CLUL1: variants seen among roughly 807,000 people sequenced by gnomAD.
CLUL1 encodes clusterin like 1.
In CLUL1, 43 loss-of-function variants were observed where a neutral mutation model predicts 49.4. The ratio of observed to expected loss-of-function variants is 0.87; its 90% CI spans 0.68 to 1.12. The LOEUF is 1.12. Ranked by LOEUF, CLUL1 falls within the 50% of genes most tolerant of loss-of-function variation. The pLI is 0.00. For missense variants in CLUL1, 486 were observed against 544.4 expected (o/e 0.89, Z 1.07); for synonymous variants, 192 against 184.9 (o/e 1.04, Z -0.31).
At chr18:599,500 G>A (rs1348667419) in intron 1 of CLUL1, among the ~76,000 whole-genome samples, 1 of 152,094 alleles carries the variant, frequency 6.6e-6, no homozygotes, top group East Asian at 1.9e-4. Context: ...GATGGTGATT[G>A]TAAATGTTTA....
chr18:645,805 AAAAAAATATATATATATATATATATATAT>A lies in CLUL1; in HGVS notation c.1397+710_1397+738del, dbSNP rs1382794262. On this transcript the variant is annotated intron_variant, in intron 9 of 9. Transcript: ENST00000692774. ...CGAGACTCTGTTTAAAAAAAAAAAA[AAAAAAATATATATATATATATATATATAT>A]ATATATATATATATATATGTTAAAC... 2.1e-4 allele frequency among the ~76,000 whole-genome samples: 11 copies of A among 51,432 alleles called. 2 individuals carry two copies. The highest frequency in any genetic ancestry group is 7.6e-4 in the African/African-American group (10 of 13,174). The allele number at this position is 51,432 out of a possible 152,430, so 33.7% of individuals were successfully genotyped here.
At chr18:625,118 G>C (rs1385479688) in intron 5 of CLUL1, 86 bp downstream of exon 5, 1 of 1,325,846 alleles carries the variant, frequency 7.5e-7, no homozygotes, top group Non-Finnish European at 1.0e-6. Context: ...TTAATATTTA[G>C]AACGGAGATG....
rs185090882 is a variant in CLUL1 at position 603,489 on chromosome 18, A to G, written c.-135-3489A>G. 6.6e-5 allele frequency among the ~76,000 whole-genome samples: 10 copies of G among 152,288 alleles called. 1 individual carries two copies. In the East Asian group the frequency reaches 1.9e-3, roughly 29 times the overall value. ...AAAATTTTTTTTGAAATAATGATAG[A>G]TTCACAGGAGGTTGCAAAGAAATGC... On this transcript the variant is annotated intron_variant, in intron 1 of 9. Coordinates refer to ENST00000692774, the MANE Select transcript of CLUL1 (RefSeq NM_001393344.1).
chr18:626,911 GAAAGAAAGAAAGAA>G (rs2073763508), intron 5 of CLUL1, among the ~76,000 whole-genome samples, 172 bp from the exon 6 acceptor site: 1 of 1,378 alleles, frequency 7.3e-4, no homozygotes, highest in African/African-American at 7.8e-4. Flanking sequence ...AAGAAAGAAA[GAAAGAAAGAAAGAA>G]AGAAGGAAAG....
intron 7 of CLUL1, among the ~76,000 whole-genome samples, chr18:640,200 T>C (rs1286107634): frequency 6.6e-6 from 1 of 151,964 alleles, no homozygotes; most frequent in Non-Finnish European, 1.5e-5. Context: ...TAGTATGACA[T>C]TGAGAGGACA....
Position 645,110 on chromosome 18 carries a change from C to A in CLUL1, c.1397+13C>A. 6.4e-7 allele frequency: 1 copy of A among 1,567,362 alleles called. No homozygotes were observed. Among genetic ancestry groups the A allele is most frequent in the African/African-American group, 1.4e-5 (1 of 73,318 alleles). On this transcript the variant is annotated intron_variant, in intron 9 of 9. Coordinates refer to ENST00000692774, the MANE Select transcript of CLUL1 (RefSeq NM_001393344.1). The stretch of plus-strand genomic sequence containing the variant: ...ATTTTAAAACCTGGTAAGCAGAGTG[C>A]CTGGTTAGGAATGCCTTGTTGACAG...
In CLUL1 at chr18:649,985, G is replaced by A. The variant is rs2074633128; in HGVS notation, c.*84G>A. The A allele has an allele frequency of 3.2e-6, 3 of 935,792 alleles. No individual in the cohort carries two copies. The highest frequency in any genetic ancestry group is 2.4e-5 in the East Asian group (1 of 40,970). 58.0% of individuals were successfully genotyped at this position (935,792 alleles called of 1,614,324 possible). A position where few individuals can be genotyped will look rare whatever the true frequency, so the allele number is the denominator to read the frequency against. ...AAATCCTGAAATAAAAAAGGATAAT[G>A]CAATAAACACAGTTGCAGGAAAGTA... On this transcript the variant is annotated 3_prime_UTR_variant, in exon 10 of 10. Transcript: ENST00000692774.
Position 636,616 on chromosome 18 carries a change from C to G in CLUL1, c.994+3181C>G, listed in dbSNP as rs534624520. Among the ~76,000 whole-genome samples the G allele has an allele frequency of 1.8e-4, 25 of 142,800 alleles. No homozygotes were observed. In the South Asian group the frequency reaches 4.4e-3, roughly 25 times the overall value. 93.7% of individuals were successfully genotyped at this position (142,800 alleles called of 152,430 possible). On this transcript the variant is annotated intron_variant, in intron 7 of 9. Transcript: ENST00000692774. ...ACCTGTTTAGAGTCGACAACACTCCCTTTCTCTCTTTTTTTTTTTTTTTTT... is the reference window on the plus strand; with the variant it reads ...ACCTGTTTAGAGTCGACAACACTCCGTTTCTCTCTTTTTTTTTTTTTTTTT...
rs187173780 is a variant in CLUL1, at chr18:641,058, G to T, written c.995-269G>T. On this transcript the variant is annotated intron_variant, in intron 7 of 9. Coordinates refer to ENST00000692774, the MANE Select transcript of CLUL1 (RefSeq NM_001393344.1). ...TTTTGGCAAATTTTTTCTTAATATA[G>T]GTGGTAGGCATGTGGAATTTATAAC... 2.7e-3 allele frequency among the ~76,000 whole-genome samples: 411 copies of T among 152,248 alleles called. 1 individual carries two copies. The highest frequency in any genetic ancestry group is 9.5e-3 in the African/African-American group (395 of 41,542).
intron 7 of CLUL1, among the ~76,000 whole-genome samples, chr18:635,861 T>C (rs965328390): frequency 2.0e-5 from 3 of 152,190 alleles, no homozygotes; most frequent in African/African-American, 7.2e-5. Flanking sequence ...CTCAGCCTCC[T>C]GAGTAGCTGG....
Position 633,435 on chromosome 18 carries a change from G to A in CLUL1, c.994G>A (p.Asp332Asn). Reference protein sequence around the residue: ...CQKCQAHLSEDCPDVPALHTE... With the variant: ...CQKCQAHLSENCPDVPALHTE... ...AAAATGTCAGGCTCACCTATCTGAA[G>A]GTAAATAATTGCTATTTTGTTTTTT... Residue 332 changes from aspartate to asparagine, a missense_variant and splice_region_variant, in exon 7 of 10, where the codon GAC becomes AAC. Coordinates refer to ENST00000692774, the MANE Select transcript of CLUL1 (RefSeq NM_001393344.1). The A allele has an allele frequency of 6.2e-7, 1 of 1,611,314 alleles. No homozygotes were observed. The highest frequency in any genetic ancestry group is 1.1e-5 in the South Asian group (1 of 90,696).
intron 6 of CLUL1, among the ~76,000 whole-genome samples, chr18:632,678 T>C (rs1278352915): frequency 6.6e-6 from 1 of 152,234 alleles, no homozygotes; most frequent in Non-Finnish European, 1.5e-5. Flanking sequence ...TTCTAAAAGA[T>C]AGTTATTAAT....
chr18:649,790 A>C (rs1003165860), intron 9 of CLUL1, 108 bp from the exon 10 acceptor site: 7 of 733,494 alleles, frequency 9.5e-6, no homozygotes, highest in African/African-American at 1.8e-5. Flanking sequence ...AGCCAACAGC[A>C]GGTATTCTAT....
At chr18:630,471 G>A (rs1206589009) in intron 6 of CLUL1, among the ~76,000 whole-genome samples, 2 of 152,068 alleles carry the variant, frequency 1.3e-5, no homozygotes, top group Non-Finnish European at 2.9e-5. Context: ...TGTAATCACA[G>A]GGTCCTTAAA....
intron 8 of CLUL1, 89 bp from the exon 9 acceptor site, chr18:644,821 C>A: frequency 1.0e-6 from 1 of 968,232 alleles, no homozygotes; most frequent in Non-Finnish European, 1.5e-6. Context: ...CAGCACAACC[C>A]AGCCTATCCT....
chr18:636,514 A>T (rs773729031), intron 7 of CLUL1, among the ~76,000 whole-genome samples: 4 of 151,970 alleles, frequency 2.6e-5, no homozygotes, highest in African/African-American at 7.3e-5. Flanking sequence ...TCCCTTTCTA[A>T]TTTTTTTATT....
intron 6 of CLUL1, among the ~76,000 whole-genome samples, chr18:628,874 CTG>C (rs1165169291): frequency 1.3e-5 from 2 of 152,072 alleles, no homozygotes; most frequent in Non-Finnish European, 2.9e-5. Flanking sequence ...CTCAAGTGAT[CTG>C]CTCACCTTGG....
At chr18:645,816 T>A (rs1313673666) in intron 9 of CLUL1, among the ~76,000 whole-genome samples, 1,674 of 37,390 alleles carry the variant, frequency 0.045, 326 homozygotes, top group East Asian at 0.21. Flanking sequence ...AAAAAATATA[T>A]ATATATATAT....
At chr18:602,981 T>C (rs2072874378) in intron 1 of CLUL1, among the ~76,000 whole-genome samples, 1 of 152,104 alleles carries the variant, frequency 6.6e-6, no homozygotes, top group Admixed American at 6.6e-5. Flanking sequence ...TTGTAAAGCA[T>C]TTGGATTTTA....
Sources: gnomAD v4.1 joint callset for allele counts (sites outside exome capture counted in the v4.1 genomes callset) on GRCh38, gnomAD v4.1.1 for gene constraint, MANE v1.5 for transcripts, NCBI Gene and HGNC (gene_info 2026-07-23, HGNC 2026-07-21) for gene names.